Variants in CDKL5 observed in about 807,000 individuals in gnomAD.
CDKL5 encodes the protein cyclin dependent kinase like 5, also known as cyclin-dependent kinase-like 5.
A neutral mutation model predicts 61.7 loss-of-function variants in CDKL5; 8 were observed. That is an observed-to-expected ratio of 0.13 (90% confidence interval 0.08 to 0.23). The LOEUF is 0.23. CDKL5 is among the 10% of genes least tolerant of loss of function. CDKL5 has a pLI of 1.00. For missense variants in CDKL5, 440 were observed against 734.5 expected (o/e 0.60, Z 4.63); for synonymous variants, 275 against 272.3 (o/e 1.01, Z -0.10).
At chrX:18,597,131 C>G (rs187662429) in intron 10 of CDKL5, among the ~76,000 whole-genome samples, 7 of 110,691 alleles carry the variant, frequency 6.3e-5, no homozygotes, top group Admixed American at 5.8e-4. Flanking sequence ...CACCCCACCC[C>G]CCTCAGAAAC....
At chrX:18,596,129 AAC>A (rs1925985289) in intron 10 of CDKL5, among the ~76,000 whole-genome samples, 1 of 112,106 alleles carries the variant, frequency 8.9e-6, no homozygotes, top group Non-Finnish European at 1.9e-5. Context: ...ACCTTCAAAG[AAC>A]ACTTATTAAT....
At chrX:18,472,321 C>CAGTG (rs1483680951) in intron 1 of CDKL5, among the ~76,000 whole-genome samples, 1 of 111,824 alleles carries the variant, frequency 8.9e-6, no homozygotes, top group African/African-American at 3.3e-5. Flanking sequence ...TTTTACCATA[C>CAGTG]AGTGCATCTG....
chrX:18,613,833 T>A (rs1926639104), intron 15 of CDKL5, among the ~76,000 whole-genome samples: 1 of 112,127 alleles, frequency 8.9e-6, no homozygotes. Context: ...AACAGTCCTT[T>A]ATGCTACCAT....
chrX:18,451,173 T>C (rs1602198195), intron 1 of CDKL5, among the ~76,000 whole-genome samples: 1 of 111,796 alleles, frequency 8.9e-6, no homozygotes, highest in East Asian at 2.8e-4. Context: ...AGCCCATACC[T>C]AAATCTTATC....
chrX:18,436,191 A>G (rs1931605653), intron 1 of CDKL5, among the ~76,000 whole-genome samples: 1 of 111,690 alleles, frequency 9.0e-6, no homozygotes, highest in South Asian at 3.8e-4. Flanking sequence ...GAAGTGGATC[A>G]TTATAAATGT....
At chrX:18,602,106 T>C (rs1019798417) in intron 11 of CDKL5, among the ~76,000 whole-genome samples, 1 of 111,274 alleles carries the variant, frequency 9.0e-6, no homozygotes, top group African/African-American at 3.3e-5. Context: ...TCTCCTCTTG[T>C]CTTGTGATGC....
intron 1 of CDKL5, chrX:18,442,500 T>C (rs1931770158): frequency 9.1e-6 from 1 of 109,740 alleles, no homozygotes; most frequent in African/African-American, 3.4e-5. Context: ...TTGTTTTGTT[T>C]TGTTTTGTTT....
rs915140150 is a variant in CDKL5, at chrX:18,582,452, T to G, written c.463+502T>G. 2.7e-5 allele frequency among the ~76,000 whole-genome samples: 3 copies of G among 111,625 alleles called. No homozygotes were observed. In the Admixed American group the frequency reaches 2.9e-4, roughly 11 times the overall value. ...GAATGTATAGGGAAATTTTTTTAGT[T>G]GTACTCTCTCCTAGTAGAAAATTGT... is the stretch of plus-strand genomic sequence containing the variant. On this transcript the variant is annotated intron_variant, in intron 7 of 17. Transcript: ENST00000623535.
rs1430054128 is a variant in CDKL5, at chrX:18,604,863, C to T, written c.1939C>T (p.Pro647Ser). The change falls in exon 12 of 18, where the codon CCC becomes TCC. Residue 647 changes from proline (P) to serine (S), a missense_variant. By Grantham distance (74) the Pro-to-Ser change is moderately conservative. Around this residue, in one of 2 missense-constraint regions of CDKL5, gnomAD observed 363 missense variants for 516.3 expected, o/e 0.70. Transcript: ENST00000623535. The part of the protein sequence containing the change: ...ARANSLQLLS[P>S]QPGEQLPPEM... Reference sequence around the variant, plus strand: ...AGCCAACAGCCTGCAACTCTTGTCACCCCAGGTACAGTTGAGCACCTTGAC... The same window carrying T: ...AGCCAACAGCCTGCAACTCTTGTCATCCCAGGTACAGTTGAGCACCTTGAC... 1.7e-6 allele frequency: 2 copies of T among 1,211,357 alleles called. No individual in the cohort carries two copies. The highest frequency in any genetic ancestry group is 2.2e-6 in the Non-Finnish European group (2 of 895,360).
chrX:18,535,895 A>C (rs765399247), intron 3 of CDKL5: 1 of 112,274 alleles, frequency 8.9e-6, no homozygotes, highest in Non-Finnish European at 1.9e-5. Flanking sequence ...GTTCCTGGAG[A>C]AAGAAACAAT....
chrX:18,619,709 T>TTCCTC (rs1926830142), intron 15 of CDKL5, among the ~76,000 whole-genome samples, 158 bp from the exon 16 acceptor site: 2 of 112,143 alleles, frequency 1.8e-5, no homozygotes, highest in Non-Finnish European at 3.8e-5. Flanking sequence ...TTAAATTTAG[T>TTCCTC]TCCTCCTGTG....
chrX:18,574,947 C>A (rs1168465750), intron 4 of CDKL5, among the ~76,000 whole-genome samples: 1 of 112,077 alleles, frequency 8.9e-6, no homozygotes, highest in African/African-American at 3.2e-5. Context: ...TGCACACTGA[C>A]AGTTTTGATT....
At chrX:18,613,562 T>G (rs1926631587) in intron 15 of CDKL5, among the ~76,000 whole-genome samples, 1 of 112,192 alleles carries the variant, frequency 8.9e-6, no homozygotes, top group Non-Finnish European at 1.9e-5. Context: ...TGCGGTCTCC[T>G]TTTGTTGACA....
At chrX:18,428,465 G>C (rs1004613563) in intron 1 of CDKL5, among the ~76,000 whole-genome samples, 1 of 111,717 alleles carries the variant, frequency 9.0e-6, no homozygotes, top group African/African-American at 3.3e-5. Context: ...ATTTCCTCTA[G>C]ATATTAGGTA....
intron 1 of CDKL5, among the ~76,000 whole-genome samples, chrX:18,505,234 CAT>C (rs766636692): frequency 2.7e-5 from 3 of 111,630 alleles, no homozygotes; most frequent in South Asian, 3.8e-4. Flanking sequence ...CTCATACACA[CAT>C]ATAATTTTTC....
At chrX:18,571,906 A>C (rs1396957250) in intron 4 of CDKL5, among the ~76,000 whole-genome samples, 2 of 111,495 alleles carry the variant, frequency 1.8e-5, no homozygotes, top group Non-Finnish European at 1.9e-5. Flanking sequence ...TTTCCTAAAA[A>C]CAGCTGCTCC....
At chrX:18,551,972 G>A (rs1454181426) in intron 3 of CDKL5, among the ~76,000 whole-genome samples, 2 of 109,981 alleles carry the variant, frequency 1.8e-5, no homozygotes, top group Non-Finnish European at 3.8e-5. Context: ...AATGTGGCCA[G>A]CTTACGACTG....
chrX:18,528,637 T>G (rs1051225886), intron 3 of CDKL5, among the ~76,000 whole-genome samples: 9 of 110,114 alleles, frequency 8.2e-5, no homozygotes, highest in African/African-American at 3.0e-4. Context: ...TTTCTATTTA[T>G]TTATTAATTA....
At chrX:18,441,435 A>G (rs777852579) in intron 1 of CDKL5, among the ~76,000 whole-genome samples, 22 of 110,692 alleles carry the variant, frequency 2.0e-4, no homozygotes, top group Non-Finnish European at 3.6e-4. Context: ...ATCATTAACA[A>G]CGTTGTTACT....
Sources: gnomAD v4.1 joint callset for allele counts (sites outside exome capture counted in the v4.1 genomes callset) on GRCh38, gnomAD v4.1.1 for gene constraint, gnomAD v4.1.1 regional missense constraint, MANE v1.5 for transcripts, NCBI Gene and HGNC (gene_info 2026-07-23, HGNC 2026-07-21) for gene names.